SLC29A1: variants seen among roughly 807,000 people sequenced by gnomAD.
SLC29A1 encodes solute carrier family 29 member 1 (Augustine blood group).
A neutral mutation model predicts 48.3 loss-of-function variants in SLC29A1; 22 were observed. The observed-to-expected ratio is 0.46, with a 90% confidence interval of 0.33 to 0.65. SLC29A1 has a LOEUF of 0.65. Among genes scored for constraint, SLC29A1 ranks in the 30% least tolerant of loss-of-function variants. The probability of loss-of-function intolerance (pLI) is 0.03; values close to 1 mark genes in which losing one functional copy is unlikely to be tolerated. For missense variants in SLC29A1, 491 were observed against 575.3 expected (o/e 0.85, Z 1.50); for synonymous variants, 228 against 231.0 (o/e 0.99, Z 0.12).
upstream of SLC29A1, chr6:44,221,762 G>C (rs991114186): frequency 1.6e-6 from 1 of 633,496 alleles, no homozygotes; most frequent in Non-Finnish European, 2.5e-6. The surrounding 1 kb of genome is among the most constrained non-coding windows in gnomAD (Gnocchi z 4.2). Context: ...GGCTACAGAG[G>C]GGTGTGGGTG....
Position 44,223,816 on chromosome 6 carries a change from G to T in SLC29A1, c.-52+175G>T. On this transcript the variant is annotated intron_variant, in intron 1 of 12. Coordinates refer to ENST00000371755, the MANE Select transcript of SLC29A1 (RefSeq NM_001372327.1). This position sits in a 1 kb window ranked among gnomAD's most constrained non-coding sequence, Gnocchi z 5.0. ...GAGCCGCGCAGCACGTGGCGCGCAC[G>T]GGCCAGGGAGCCTGAGGACCCTGCG... 1 of 1,011,936 alleles carries T rather than the reference G, an allele frequency of 9.9e-7. No individual in the cohort carries two copies. The highest frequency in any genetic ancestry group is 1.2e-6 in the Non-Finnish European group (1 of 845,602). The allele number at this position is 1,011,936 out of a possible 1,614,324, so 62.7% of individuals were successfully genotyped here.
At chr6:44,222,763 T>C (rs370442491), upstream of SLC29A1, among the ~76,000 whole-genome samples, 125 of 152,346 alleles carry the variant, frequency 8.2e-4, 1 homozygote, top group African/African-American at 2.9e-3. Context: ...GGCTTCCGCC[T>C]GTCAGGATGG....
At chr6:44,227,933 C>G (rs1777938616) in intron 2 of SLC29A1, among the ~76,000 whole-genome samples, 1 of 152,254 alleles carries the variant, frequency 6.6e-6, no homozygotes, top group Non-Finnish European at 1.5e-5. Context: ...GTCCTGCCCT[C>G]CAACTCAGGC....
chr6:44,230,616 G>A lies in SLC29A1; in HGVS notation c.638G>A (p.Cys213Tyr), dbSNP rs763353671. The change falls in exon 7 of 13, where the codon TGT becomes TAT. Residue 213 changes from cysteine to tyrosine, a missense_variant. Physicochemically the swap from Cys to Tyr is radical, Grantham distance 194. Coordinates refer to ENST00000371755, the MANE Select transcript of SLC29A1 (RefSeq NM_001372327.1). ...ESAFGYFITA[C>Y]AVIILTIICY... ...GCCTTCGGCTACTTTATCACAGCCTGTGCTGTTATCATTTTGACCATCATC... is the reference window on the plus strand; with the variant it reads ...GCCTTCGGCTACTTTATCACAGCCTATGCTGTTATCATTTTGACCATCATC... 3 of 1,613,090 alleles carry A rather than the reference G, an allele frequency of 1.9e-6. No individual in the cohort carries two copies. In the South Asian group the frequency reaches 3.3e-5, roughly 18 times the overall value.
chr6:44,223,595 A>T lies in SLC29A1; in HGVS notation c.-98A>T. On this transcript the variant is annotated 5_prime_UTR_variant, in exon 1 of 13. Coordinates refer to ENST00000371755, the MANE Select transcript of SLC29A1 (RefSeq NM_001372327.1). This position sits in a 1 kb window ranked among gnomAD's most constrained non-coding sequence, Gnocchi z 5.0. ...TGCCCCGGCGGGAGAGGGAAGCTGC[A>T]GCGAGAGCGCGCGGATCTCAGCGCG... is the stretch of plus-strand genomic sequence containing the variant. 1 of 1,215,094 alleles carries T rather than the reference A, an allele frequency of 8.2e-7. No homozygotes were observed. The highest frequency in any genetic ancestry group is 1.0e-6 in the Non-Finnish European group (1 of 952,468). 75.3% of individuals were successfully genotyped at this position (1,215,094 alleles called of 1,614,324 possible).
Position 44,231,345 on chromosome 6 carries a change from G to C in SLC29A1, c.767-19G>C, listed in dbSNP as rs1778820649. 6.6e-7 allele frequency: 1 copy of C among 1,519,062 alleles called. No homozygotes were observed. The highest frequency in any genetic ancestry group is 9.1e-7 in the Non-Finnish European group (1 of 1,101,744). The allele number at this position is 1,519,062 out of a possible 1,614,324, so 94.1% of individuals were successfully genotyped here. Reference sequence around the variant, plus strand: ...TGCTCTGTCTTCCCCACAACTTGGAGATTTCTTCCATCCCGCAGGAGAGGA... The same window carrying C: ...TGCTCTGTCTTCCCCACAACTTGGACATTTCTTCCATCCCGCAGGAGAGGA... On this transcript the variant is annotated intron_variant, in intron 8 of 12. Transcript: ENST00000371755.
chr6:44,219,805 G>C (rs1404865436), upstream of SLC29A1: 1 of 1,154,132 alleles, frequency 8.7e-7, no homozygotes, highest in Non-Finnish European at 1.1e-6. Flanking sequence ...GGGCCGGGGG[G>C]CCTGGCGGGG....
upstream of SLC29A1, among the ~76,000 whole-genome samples, chr6:44,220,283 T>C (rs144926064): frequency 2.7e-5 from 4 of 150,044 alleles, no homozygotes; most frequent in East Asian, 7.9e-4. Context: ...ACTCAAGCCA[T>C]CCTCCCACCT....
intron 1 of SLC29A1, chr6:44,227,059 G>T: frequency 5.9e-6 from 8 of 1,367,226 alleles, no homozygotes; most frequent in South Asian, 1.6e-5. Flanking sequence ...GAGCAGGCAG[G>T]GGGGCCGCGC....
At chr6:44,222,063 G>A (rs1237339959), upstream of SLC29A1, among the ~76,000 whole-genome samples, 1 of 152,182 alleles carries the variant, frequency 6.6e-6, no homozygotes, top group Admixed American at 6.5e-5. Flanking sequence ...GGAGGGTGGG[G>A]AGCGAGGAAG....
chr6:44,226,754 A>G, intron 1 of SLC29A1: 1 of 999,160 alleles, frequency 1.0e-6, no homozygotes, highest in Non-Finnish European at 1.2e-6. Flanking sequence ...GACCTCAGTC[A>G]TCATCGATGT....
chr6:44,230,092 T>C (rs1342924429), intron 5 of SLC29A1, 46 bp downstream of exon 5: 1 of 1,596,922 alleles, frequency 6.3e-7, no homozygotes, highest in South Asian at 1.1e-5. Context: ...CATGCCCAAC[T>C]ACCCCCACTC....
chr6:44,223,439 G>C (rs934195714), upstream of SLC29A1: 11 of 704,774 alleles, frequency 1.6e-5, no homozygotes, highest in Non-Finnish European at 1.8e-5. The surrounding 1 kb of genome is among the most constrained non-coding windows in gnomAD (Gnocchi z 5.0). Context: ...GCAGGGGCTC[G>C]GGGTGGGAGC....
Position 44,234,113 on chromosome 6 carries a change from T to G in SLC29A1, c.*585T>G, listed in dbSNP as rs1416419294. 6.5e-6 allele frequency: 1 copy of G among 152,800 alleles called. No homozygotes were observed. Among genetic ancestry groups the G allele is most frequent in the Admixed American group, 6.5e-5 (1 of 15,294 alleles). 9.5% of individuals were successfully genotyped at this position (152,800 alleles called of 1,614,324 possible). On this transcript the variant is annotated 3_prime_UTR_variant, in exon 13 of 13. Transcript: ENST00000371755. ...AAACCAGGTGCCTTCAGAGGCTCTC[T>G]GATTTAAATAAACCTTTCTTGTTTT...
chr6:44,227,018 C>T, intron 1 of SLC29A1: 1 of 1,262,418 alleles, frequency 7.9e-7, no homozygotes, highest in East Asian at 3.4e-5. Context: ...ATAGCGGTGG[C>T]AGCGGCCAGG....
chr6:44,223,591 C>T (rs1014101182), upstream of SLC29A1: 5 of 1,214,450 alleles, frequency 4.1e-6, no homozygotes, highest in Non-Finnish European at 5.3e-6. This position sits in a 1 kb window ranked among gnomAD's most constrained non-coding sequence, Gnocchi z 5.0. Context: ...GAGAGGGAAG[C>T]TGCAGCGAGA....
chr6:44,227,183 T>C, intron 1 of SLC29A1, 80 bp from the exon 2 acceptor site: 1 of 1,463,626 alleles, frequency 6.8e-7, no homozygotes, highest in Non-Finnish European at 9.3e-7. Context: ...CTGTCAGCCC[T>C]GCCCCCTCTC....
At chr6:44,222,119 G>C (rs1776501658), upstream of SLC29A1, among the ~76,000 whole-genome samples, 1 of 152,162 alleles carries the variant, frequency 6.6e-6, no homozygotes, top group Non-Finnish European at 1.5e-5. Flanking sequence ...GGAAGAGAGA[G>C]AGACTGGACA....
At chr6:44,219,898 C>T, upstream of SLC29A1, 1 of 647,566 alleles carries the variant, frequency 1.5e-6, no homozygotes. Context: ...CGCTGGGCTA[C>T]AGTGTCTCAG....
Sources: gnomAD v4.1 joint callset for allele counts (sites outside exome capture counted in the v4.1 genomes callset) on GRCh38, gnomAD v4.1.1 for gene constraint, Gnocchi (gnomAD v3.1) non-coding constraint, MANE v1.5 for transcripts, NCBI Gene and HGNC (gene_info 2026-07-23, HGNC 2026-07-21) for gene names.